HIP1R: variants seen among roughly 807,000 people sequenced by gnomAD.
HIP1R encodes huntingtin-interacting protein 1-related protein.
A neutral mutation model predicts 144.2 loss-of-function variants in HIP1R; 135 were observed. That is an observed-to-expected ratio of 0.94 (90% CI 0.81 to 1.08). The LOEUF (loss-of-function observed/expected upper bound fraction) is 1.08. HIP1R is among the 50% of genes least tolerant of loss of function. The pLI is 0.00. For synonymous variants in HIP1R, 698 were observed against 612.8 expected, an observed-to-expected ratio of 1.14 and a Z score of -2.05; for missense variants, 1,462 against 1,432.8, an observed-to-expected ratio of 1.02 and a Z score of -0.33.
chr12:122,839,901 C>T (rs1250634299), intron 1 of HIP1R, among the ~76,000 whole-genome samples: 1 of 152,236 alleles, frequency 6.6e-6, no homozygotes, highest in Non-Finnish European at 1.5e-5. Flanking sequence ...CCGCACCGGC[C>T]AGCGGCTACC....
At position 122,851,227 on chromosome 12, in the gene HIP1R, C is replaced by G; in HGVS notation, c.516-9C>G. 1.3e-6 allele frequency: 2 copies of G among 1,502,730 alleles called. No homozygotes were observed. The highest frequency in any genetic ancestry group is 8.8e-7 in the Non-Finnish European group (1 of 1,132,106). The allele number at this position is 1,502,730 out of a possible 1,614,324, so 93.1% of individuals were successfully genotyped here. Reference sequence around the variant, plus strand: ...CTTTTTCATTTCTTCCCCCACTTCTCTTGCGTAGCTTCCAGCTCACTGTGG... The same window carrying G: ...CTTTTTCATTTCTTCCCCCACTTCTGTTGCGTAGCTTCCAGCTCACTGTGG... On this transcript the variant is annotated splice_polypyrimidine_tract_variant and intron_variant, in intron 6 of 31. Transcript: ENST00000253083.
At chr12:122,853,832 C>T (rs1037255967) in intron 7 of HIP1R, 2 of 523,870 alleles carry the variant, frequency 3.8e-6, no homozygotes, top group South Asian at 2.7e-5. Context: ...AGCTCCTTTG[C>T]CCTGACCTTG....
Position 122,836,179 on chromosome 12 carries a change from ACT to A in HIP1R, c.93+538_93+539del, listed in dbSNP as rs983276709. Among the ~76,000 whole-genome samples, 1 of 151,602 alleles carries A rather than the reference ACT, an allele frequency of 6.6e-6. No individual in the cohort carries two copies. The highest frequency in any genetic ancestry group is 1.5e-5 in the Non-Finnish European group (1 of 67,874). ...AATTTCCTTAAAGGAAATTCCTTAA[ACT>A]CCCAGCTTCCTTCTCTCGTGAGCGG... is the stretch of plus-strand genomic sequence containing the variant. On this transcript the variant is annotated intron_variant, in intron 1 of 31. Transcript: ENST00000253083. This position sits in a 1 kb window ranked among gnomAD's most constrained non-coding sequence, Gnocchi z 4.1.
At chr12:122,858,700 C>T in intron 20 of HIP1R, 138 bp from the exon 21 acceptor site, 1 of 715,770 alleles carries the variant, frequency 1.4e-6, no homozygotes. Flanking sequence ...GTGGTTCCCA[C>T]TGCCTCCTGG....
In HIP1R at chr12:122,862,877, C is replaced by G. The variant is rs1054188634; in HGVS notation, c.*1124C>G. The stretch of plus-strand genomic sequence containing the variant: ...AAGGTCAGGAGGAGCAAAAATGAGC[C>G]AGCACCAGCGCCTTGGCTTTGTGTT... On this transcript the variant is annotated 3_prime_UTR_variant, in exon 32 of 32. Transcript: ENST00000253083. The G allele has an allele frequency of 1.3e-5, 2 of 152,134 alleles. No individual in the cohort carries two copies. Among genetic ancestry groups the G allele is most frequent in the African/African-American group, 4.8e-5 (2 of 41,404 alleles). The allele number at this position is 152,134 out of a possible 1,614,324, so 9.4% of individuals were successfully genotyped here. A position where few individuals can be genotyped will look rare whatever the true frequency, so the allele number is the denominator to read the frequency against.
chr12:122,852,542 G>A (rs2033429013), intron 7 of HIP1R, among the ~76,000 whole-genome samples: 1 of 152,204 alleles, frequency 6.6e-6, no homozygotes, highest in Non-Finnish European at 1.5e-5. Context: ...CCCACCTGGT[G>A]ACGCTGGTGT....
intron 18 of HIP1R, chr12:122,857,646 AG>A: frequency 3.3e-6 from 1 of 307,234 alleles, no homozygotes; most frequent in Non-Finnish European, 6.2e-6. Flanking sequence ...TACCCTGTTG[AG>A]AAACTACCAG....
chr12:122,862,694 GA>G lies in HIP1R; in HGVS notation c.*943del, dbSNP rs962267502. 1 of 152,130 alleles carries G rather than the reference GA, an allele frequency of 6.6e-6. No individual in the cohort carries two copies. The highest frequency in any genetic ancestry group is 2.4e-5 in the African/African-American group (1 of 41,506). The allele number at this position is 152,130 out of a possible 1,614,324, so 9.4% of individuals were successfully genotyped here. On this transcript the variant is annotated 3_prime_UTR_variant, in exon 32 of 32. Transcript: ENST00000253083. ...CTGGCTTTGCCCGTCAGATTTGAAC[GA>G]ATGTGTGTCCCTTGAGCCCAAGGAG... is the stretch of plus-strand genomic sequence containing the variant.
intron 1 of HIP1R, among the ~76,000 whole-genome samples, chr12:122,844,022 T>G (rs1318026394): frequency 6.6e-6 from 1 of 152,180 alleles, no homozygotes; most frequent in Non-Finnish European, 1.5e-5. Context: ...TTTTGTATTT[T>G]TAGTGGGAGT....
In HIP1R at chr12:122,835,642, A is replaced by T; in HGVS notation, c.92A>T (p.Gln31Leu). Reference sequence around the variant, plus strand: ...GAGCGCGAGCAGTTCGACAAGACCCAGGCGAGCGGGCGGCGGGCGGCGGGC... The same window carrying T: ...GAGCGCGAGCAGTTCGACAAGACCCTGGCGAGCGGGCGGCGGGCGGCGGGC... ...EAEREQFDKT[Q>L]AISISKAINT... The change falls in exon 1 of 32, where the codon CAG becomes CTG. Residue 31 changes from glutamine (Q) to leucine (L), a missense_variant and splice_region_variant. Around this residue, in one of 2 missense-constraint regions of HIP1R, gnomAD observed 350 missense variants for 421.1 expected, o/e 0.83. Coordinates refer to ENST00000253083, the MANE Select transcript of HIP1R (RefSeq NM_003959.3). 9.1e-7 allele frequency: 1 copy of T among 1,099,560 alleles called. No individual in the cohort carries two copies. Among genetic ancestry groups the T allele is most frequent in the Non-Finnish European group, 1.1e-6 (1 of 907,860 alleles). The allele number at this position is 1,099,560 out of a possible 1,614,324, so 68.1% of individuals were successfully genotyped here. A position where few individuals can be genotyped will look rare whatever the true frequency, so the allele number is the denominator to read the frequency against.
chr12:122,861,024 C>CA lies in HIP1R; in HGVS notation c.2876dup (p.Ile960AspfsTer2). 1 of 1,613,726 alleles carries CA rather than the reference C, an allele frequency of 6.2e-7. No individual in the cohort carries two copies. The highest frequency in any genetic ancestry group is 8.5e-7 in the Non-Finnish European group (1 of 1,180,014). ...GGCCTCCACCAAGTCAGGCCAGGAG[C>CA]AGATTGAGGACAGAGGTGAGTGCCA... On this transcript the variant is annotated frameshift_variant, in exon 29 of 32. Coordinates refer to ENST00000253083, the MANE Select transcript of HIP1R (RefSeq NM_003959.3). LOFTEE classifies it high-confidence loss of function.
At chr12:122,851,663 AAC>A (rs1369609036) in intron 7 of HIP1R, among the ~76,000 whole-genome samples, 1 of 150,316 alleles carries the variant, frequency 6.7e-6, no homozygotes, top group East Asian at 2.0e-4. Flanking sequence ...CAGCCTGGGC[AAC>A]AGAGTGAGTC....
In HIP1R at chr12:122,854,195, A is replaced by G; in HGVS notation, c.718+12A>G. On this transcript the variant is annotated intron_variant, in intron 8 of 31. Transcript: ENST00000253083. ...CAAGCTACACTCTTGTGAGTGGCCC[A>G]GGGCAACCCCTGGCCCGGAAGGCTG... 6.2e-7 allele frequency: 1 copy of G among 1,610,790 alleles called. No individual in the cohort carries two copies. The highest frequency in any genetic ancestry group is 8.5e-7 in the Non-Finnish European group (1 of 1,178,340).
intron 1 of HIP1R, among the ~76,000 whole-genome samples, chr12:122,842,066 G>A (rs1006926862): frequency 1.5e-4 from 23 of 152,122 alleles, no homozygotes; most frequent in African/African-American, 4.1e-4. Flanking sequence ...GCCATATCCC[G>A]GCCTCCTCAG....
chr12:122,855,511 G>A, intron 11 of HIP1R, 40 bp from the exon 12 acceptor site: 2 of 1,549,286 alleles, frequency 1.3e-6, no homozygotes, highest in Non-Finnish European at 1.7e-6. Flanking sequence ...CCGGCCTGGA[G>A]GGCACAGGTG....
intron 7 of HIP1R, among the ~76,000 whole-genome samples, chr12:122,851,959 G>A (rs540510026): frequency 2.0e-4 from 30 of 152,306 alleles, no homozygotes; most frequent in Admixed American, 1.0e-3. Flanking sequence ...GGTTTGGGTC[G>A]TCCTGCCATT....
intron 5 of HIP1R, 42 bp from the exon 6 acceptor site, chr12:122,850,793 G>T: frequency 2.7e-6 from 4 of 1,490,926 alleles, no homozygotes; most frequent in South Asian, 2.4e-5. Flanking sequence ...GGTGTGGGGG[G>T]GCCCTGGTTC....
Position 122,840,761 on chromosome 12 carries a change from T to C in HIP1R, c.93+5118T>C, listed in dbSNP as rs1219292018. On this transcript the variant is annotated intron_variant, in intron 1 of 31. Transcript: ENST00000253083. This position sits in a 1 kb window ranked among gnomAD's most constrained non-coding sequence, Gnocchi z 4.2. ...GACTCAGGCAGGTGGGGACAGCCCT[T>C]CCCTGGAAGAGTGAGCCCAGAGGTG... is the stretch of plus-strand genomic sequence containing the variant. Among the ~76,000 whole-genome samples, 2 of 152,146 alleles carry C rather than the reference T, an allele frequency of 1.3e-5. No individual in the cohort carries two copies. The highest frequency in any genetic ancestry group is 2.9e-5 in the Non-Finnish European group (2 of 68,010).
intron 4 of HIP1R, among the ~76,000 whole-genome samples, chr12:122,849,670 T>C (rs960564625): frequency 1.1e-4 from 16 of 152,256 alleles, no homozygotes; most frequent in African/African-American, 3.4e-4. Context: ...AGCTCTCTTC[T>C]CACAAGAGTT....
Sources: allele counts gnomAD v4.1 joint callset (sites outside exome capture counted in the v4.1 genomes callset), GRCh38; gene constraint gnomAD v4.1.1; regional missense constraint gnomAD v4.1.1; non-coding constraint Gnocchi (gnomAD v3.1); transcripts MANE v1.5; gene names NCBI Gene and HGNC (gene_info 2026-07-23, HGNC 2026-07-21).